ABHD3: variants seen among roughly 807,000 people sequenced by gnomAD.
ABHD3 encodes abhydrolase domain containing 3, phospholipase.
A neutral mutation model predicts 48.8 loss-of-function variants in ABHD3; 46 were observed. That is an observed-to-expected ratio of 0.94 (90% CI 0.74 to 1.20). The LOEUF (loss-of-function observed/expected upper bound fraction) is 1.20, where lower values mean the gene tolerates loss of function less well. ABHD3 is among the 50% of genes most tolerant of loss of function. The probability of loss-of-function intolerance (pLI) is 0.00; values close to 1 mark genes in which losing one functional copy is unlikely to be tolerated. For missense variants in ABHD3, 490 were observed against 497.8 expected, an observed-to-expected ratio of 0.98 and a Z score of 0.15; for synonymous variants, 192 against 183.7, an observed-to-expected ratio of 1.04 and a Z score of -0.36.
At chr18:21,677,365 T>TA (rs2039907689) in intron 4 of ABHD3, among the ~76,000 whole-genome samples, 1 of 151,482 alleles carries the variant, frequency 6.6e-6, no homozygotes, top group South Asian at 2.1e-4. Context: ...TGGCAAATTT[T>TA]TTTTTTTTTT....
intron 4 of ABHD3, among the ~76,000 whole-genome samples, chr18:21,679,509 A>C (rs1055788271): frequency 2.0e-5 from 3 of 152,232 alleles, no homozygotes; most frequent in Admixed American, 2.0e-4. Flanking sequence ...TGGGTTATAA[A>C]AAACTTTTTT....
chr18:21,684,096 G>T, intron 3 of ABHD3, 131 bp from the exon 4 acceptor site: 1 of 740,482 alleles, frequency 1.4e-6, no homozygotes. Context: ...TAGTTGTAAT[G>T]TTTGGCAATT....
chr18:21,668,199 T>G (rs1216907418), intron 4 of ABHD3, among the ~76,000 whole-genome samples: 1 of 25,696 alleles, frequency 3.9e-5, no homozygotes, highest in African/African-American at 8.8e-4. Flanking sequence ...AGAATCTATC[T>G]CAAAAAAAAA....
At chr18:21,663,896 C>A in intron 5 of ABHD3, 1 of 1,439,160 alleles carries the variant, frequency 6.9e-7, no homozygotes, top group Non-Finnish European at 9.1e-7. Context: ...TCACAAAATC[C>A]GCAGTCACAG....
intron 5 of ABHD3, chr18:21,663,628 A>C (rs530136655): frequency 6.6e-7 from 1 of 1,519,360 alleles, no homozygotes; most frequent in East Asian, 2.4e-5. Flanking sequence ...AGAGCACTCC[A>C]CAGTAGTTCC....
At chr18:21,693,471 C>G (rs1471760833) in intron 3 of ABHD3, among the ~76,000 whole-genome samples, 2 of 152,178 alleles carry the variant, frequency 1.3e-5, no homozygotes, top group Non-Finnish European at 2.9e-5. Context: ...CTGTAACACT[C>G]AGGTCTCTTT....
chr18:21,676,967 A>G (rs2039897117), intron 4 of ABHD3, among the ~76,000 whole-genome samples: 1 of 152,154 alleles, frequency 6.6e-6, no homozygotes, highest in South Asian at 2.1e-4. Context: ...TAATATATTC[A>G]GTGTTGTGCC....
At chr18:21,658,618 T>C (rs1266860805) in intron 6 of ABHD3, among the ~76,000 whole-genome samples, 6 of 152,220 alleles carry the variant, frequency 3.9e-5, no homozygotes, top group Non-Finnish European at 7.3e-5. Flanking sequence ...GACAATCCAC[T>C]GGGGTTCAGA....
intron 8 of ABHD3, among the ~76,000 whole-genome samples, chr18:21,655,894 C>T (rs1357795502): frequency 6.6e-6 from 1 of 151,194 alleles, no homozygotes; most frequent in Non-Finnish European, 1.5e-5. Flanking sequence ...TGGTGGCTCA[C>T]GCCTGTAATC....
intron 3 of ABHD3, among the ~76,000 whole-genome samples, chr18:21,688,539 A>T (rs1358076497): frequency 6.6e-6 from 1 of 151,650 alleles, no homozygotes; most frequent in Non-Finnish European, 1.5e-5. Flanking sequence ...TAGTAGAGAA[A>T]TAAAGTATCA....
At chr18:21,666,147 C>T (rs1167135553) in intron 4 of ABHD3, among the ~76,000 whole-genome samples, 2 of 152,002 alleles carry the variant, frequency 1.3e-5, no homozygotes, top group Non-Finnish European at 2.9e-5. Flanking sequence ...AATTCTCCTG[C>T]CTTAGCTTCC....
chr18:21,671,427 T>C (rs1003741241), intron 4 of ABHD3, among the ~76,000 whole-genome samples: 4 of 152,164 alleles, frequency 2.6e-5, no homozygotes, highest in African/African-American at 9.7e-5. Flanking sequence ...GTATATTGAA[T>C]TGATAGGCTT....
At chr18:21,661,419 T>C (rs2039492131) in intron 5 of ABHD3, among the ~76,000 whole-genome samples, 1 of 151,976 alleles carries the variant, frequency 6.6e-6, no homozygotes, top group African/African-American at 2.4e-5. Context: ...AGGCAGATCA[T>C]GAGGTCAGGA....
chr18:21,696,146 G>GTT (rs374370780), intron 3 of ABHD3, among the ~76,000 whole-genome samples: 18 of 137,982 alleles, frequency 1.3e-4, no homozygotes, highest in Admixed American at 2.2e-4. Context: ...TTTTCTCCTT[G>GTT]TTTTTTTTTT....
At chr18:21,663,672 T>C (rs1385363160) in intron 5 of ABHD3, 4 of 1,535,142 alleles carry the variant, frequency 2.6e-6, no homozygotes, top group East Asian at 2.4e-5. Context: ...CAAAACAAAA[T>C]ACCACCTGGG....
chr18:21,686,061 C>T (rs573786737), intron 3 of ABHD3, among the ~76,000 whole-genome samples: 77 of 152,260 alleles, frequency 5.1e-4, no homozygotes, highest in African/African-American at 1.8e-3. Flanking sequence ...CCAGGTTGGT[C>T]TCTAACTCCT....
chr18:21,668,197 T>A (rs1226024776), intron 4 of ABHD3, among the ~76,000 whole-genome samples: 2 of 33,994 alleles, frequency 5.9e-5, no homozygotes, highest in South Asian at 9.6e-4. Flanking sequence ...CAAGAATCTA[T>A]CTCAAAAAAA....
At chr18:21,688,604 G>A (rs1488442325) in intron 3 of ABHD3, among the ~76,000 whole-genome samples, 1 of 152,148 alleles carries the variant, frequency 6.6e-6, no homozygotes, top group Non-Finnish European at 1.5e-5. Context: ...GAAAAGATTT[G>A]CACCATATTT....
intron 4 of ABHD3, among the ~76,000 whole-genome samples, chr18:21,682,734 T>G (rs186728635): frequency 9.9e-5 from 15 of 152,164 alleles, no homozygotes; most frequent in Non-Finnish European, 5.9e-5. Flanking sequence ...TCAGACCATG[T>G]CTTCCCCCCC....
Sources: gnomAD v4.1 joint callset for allele counts (sites outside exome capture counted in the v4.1 genomes callset) on GRCh38, gnomAD v4.1.1 for gene constraint, MANE v1.5 for transcripts, NCBI Gene and HGNC (gene_info 2026-07-23, HGNC 2026-07-21) for gene names.